Variants in PSMB5 observed in about 807,000 individuals in gnomAD.
PSMB5 encodes the protein proteasome subunit beta type-5.
Under a neutral mutation model 22.8 loss-of-function variants are expected in PSMB5, and 2 were observed. The ratio of observed to expected loss-of-function variants is 0.09; its 90% CI spans 0.04 to 0.28. The LOEUF (loss-of-function observed/expected upper bound fraction) is 0.28. Ranked by LOEUF, PSMB5 falls within the 10% of genes least tolerant of loss-of-function variation. The probability of loss-of-function intolerance (pLI) is 1.00; values close to 1 mark genes in which losing one functional copy is unlikely to be tolerated. For missense variants in PSMB5, 269 were observed against 343.8 expected (o/e 0.78, Z 1.72); for synonymous variants, 133 against 135.3 (o/e 0.98, Z 0.12).
At chr14:23,027,424 A>AT (rs1566714010) in intron 2 of PSMB5, among the ~76,000 whole-genome samples, 4 of 143,648 alleles carry the variant, frequency 2.8e-5, no homozygotes, top group Middle Eastern at 3.6e-3. Context: ...TAAATAAAAT[A>AT]ATATATATAT....
rs375675979 is a variant in PSMB5 at position 23,026,364 on chromosome 14, C to A, written c.517G>T (p.Val173Leu). 1 of 1,613,116 alleles carries A rather than the reference C, an allele frequency of 6.2e-7. No individual in the cohort carries two copies. Among genetic ancestry groups the A allele is most frequent in the Non-Finnish European group, 8.5e-7 (1 of 1,179,870 alleles). ...WDKRGPGLYY[V>L]DSEGNRISGA... Reference sequence around the variant, plus strand: ...GAAATCCGGTTCCCTTCACTGTCCACGTAGTAGAGGCCTGGAAAGGGAGAT... The same window carrying A: ...GAAATCCGGTTCCCTTCACTGTCCAAGTAGTAGAGGCCTGGAAAGGGAGAT... Residue 173 changes from valine (V) to leucine (L), a missense_variant, in exon 3 of 3, where the codon GTG (valine) becomes TTG (leucine). Physicochemically the swap from Val to Leu is conservative, Grantham distance 32. Coordinates refer to ENST00000361611, the MANE Select transcript of PSMB5 (RefSeq NM_002797.5).
chr14:23,032,231 G>T (rs2046958026), intron 2 of PSMB5, among the ~76,000 whole-genome samples: 1 of 152,016 alleles, frequency 6.6e-6, no homozygotes, highest in South Asian at 2.1e-4. Flanking sequence ...AATCACCTGA[G>T]GTCAGGATTT....
intron 2 of PSMB5, among the ~76,000 whole-genome samples, chr14:23,027,296 G>A (rs1241725345): frequency 6.8e-6 from 1 of 147,436 alleles, no homozygotes; most frequent in Admixed American, 6.8e-5. Flanking sequence ...CAGGAGAATG[G>A]CGTAAACCCG....
chr14:23,029,709 G>A (rs1594713015), intron 2 of PSMB5, among the ~76,000 whole-genome samples: 2 of 151,808 alleles, frequency 1.3e-5, no homozygotes, highest in African/African-American at 2.4e-5. Flanking sequence ...CACCTCCAGG[G>A]TTCAAGAGAT....
At chr14:23,028,792 G>C (rs1027586882) in intron 2 of PSMB5, among the ~76,000 whole-genome samples, 2 of 152,198 alleles carry the variant, frequency 1.3e-5, no homozygotes, top group Non-Finnish European at 2.9e-5. Flanking sequence ...TTTTGGTACA[G>C]ATGAAAATTT....
At position 23,034,835 on chromosome 14, in the gene PSMB5, C is replaced by A. The variant is rs776919403; in HGVS notation, c.47G>T (p.Arg16Leu). The A allele has an allele frequency of 2.5e-5, 40 of 1,614,234 alleles. No individual in the cohort carries two copies. The highest frequency in any genetic ancestry group is 3.2e-5 in the Non-Finnish European group (38 of 1,180,038). The change falls in exon 1 of 3, where the codon CGC (arginine) becomes CTC (leucine). Residue 16 changes from arginine to leucine, a missense_variant. Transcript: ENST00000361611. Reference protein sequence around the residue: ...VLERPLPVNQRGFFGLGGRAD... With the variant: ...VLERPLPVNQLGFFGLGGRAD... Reference sequence around the variant, plus strand: ...ACGACCCCCAAGTCCGAAAAACCCGCGCTGGTTCACCGGTAGCGGTCTCTC... The same window carrying A: ...ACGACCCCCAAGTCCGAAAAACCCGAGCTGGTTCACCGGTAGCGGTCTCTC...
At chr14:23,035,166 T>C, upstream of PSMB5, 1 of 411,384 alleles carries the variant, frequency 2.4e-6, no homozygotes, top group South Asian at 2.9e-5. Flanking sequence ...AACCTCAAAA[T>C]CACAGGAAGT....
chr14:23,034,659 C>A (rs1204180156), intron 1 of PSMB5, 25 bp downstream of exon 1: 1 of 1,612,098 alleles, frequency 6.2e-7, no homozygotes, highest in Admixed American at 1.7e-5. Flanking sequence ...CAGTACTCAG[C>A]CTGGCAAGGG....
chr14:23,029,967 G>A (rs2046941315), intron 2 of PSMB5, among the ~76,000 whole-genome samples: 2 of 152,036 alleles, frequency 1.3e-5, no homozygotes, highest in Non-Finnish European at 2.9e-5. Flanking sequence ...ATTTTTAGTA[G>A]AGATGGGGTT....
chr14:23,029,473 A>G (rs1169081579), intron 2 of PSMB5, among the ~76,000 whole-genome samples: 1 of 152,088 alleles, frequency 6.6e-6, no homozygotes, highest in Non-Finnish European at 1.5e-5. Flanking sequence ...GTCTTCCCCA[A>G]TTCCTCCCAT....
At chr14:23,026,516 C>T (rs1368222928) in intron 2 of PSMB5, 141 bp from the exon 3 acceptor site, 1 of 1,177,884 alleles carries the variant, frequency 8.5e-7, no homozygotes, top group East Asian at 2.6e-5. Context: ...ATGGCGCAAT[C>T]TCGGCTCACC....
chr14:23,034,463 TC>T (rs1203687208), intron 1 of PSMB5: 1 of 570,634 alleles, frequency 1.8e-6, no homozygotes, highest in South Asian at 2.2e-5. Context: ...CTCACCTTCC[TC>T]CCCCGACTTA....
chr14:23,034,640 G>A (rs2046978216), intron 1 of PSMB5, 44 bp downstream of exon 1: 4 of 1,597,692 alleles, frequency 2.5e-6, no homozygotes, highest in Non-Finnish European at 3.4e-6. Flanking sequence ...CAGGCAAGTC[G>A]CGGGCGTTCA....
intron 2 of PSMB5, among the ~76,000 whole-genome samples, chr14:23,032,876 A>C (rs2046963463): frequency 6.7e-6 from 1 of 148,822 alleles, no homozygotes; most frequent in African/African-American, 2.5e-5. Flanking sequence ...GGATTACAGG[A>C]GTGAGCCACC....
In PSMB5 at chr14:23,034,670, G is replaced by A. The variant is rs1472847060; in HGVS notation, c.198+14C>T. 1.2e-6 allele frequency: 2 copies of A among 1,613,544 alleles called. No individual in the cohort carries two copies. The highest frequency in any genetic ancestry group is 1.3e-5 in the African/African-American group (1 of 75,040). On this transcript the variant is annotated intron_variant, in intron 1 of 2. Transcript: ENST00000361611. Reference sequence around the variant, plus strand: ...CGTTCAGTACTCAGCCTGGCAAGGGGGCTGGCTCCACACCTTGAAGGCCAG... The same window carrying A: ...CGTTCAGTACTCAGCCTGGCAAGGGAGCTGGCTCCACACCTTGAAGGCCAG...
At chr14:23,030,944 A>G (rs1405970737) in intron 2 of PSMB5, among the ~76,000 whole-genome samples, 1 of 152,148 alleles carries the variant, frequency 6.6e-6, no homozygotes, top group Non-Finnish European at 1.5e-5. Flanking sequence ...ATAAATAAAT[A>G]AATAAATAAA....
At chr14:23,034,567 G>T in intron 1 of PSMB5, 117 bp downstream of exon 1, 1 of 1,196,780 alleles carries the variant, frequency 8.4e-7, no homozygotes, top group Non-Finnish European at 1.2e-6. Flanking sequence ...CCGAACGAGA[G>T]GACCCAGCCT....
upstream of PSMB5, chr14:23,035,020 A>G: frequency 2.1e-6 from 3 of 1,427,126 alleles, no homozygotes; most frequent in Non-Finnish European, 2.8e-6. Context: ...GCACGCCTCC[A>G]AAAAGAAGAG....
intron 2 of PSMB5, among the ~76,000 whole-genome samples, chr14:23,029,216 T>C (rs2046936291): frequency 6.6e-6 from 1 of 152,158 alleles, no homozygotes; most frequent in Non-Finnish European, 1.5e-5. Context: ...GATTCTGATG[T>C]CTACCTTACT....
Sources: gnomAD v4.1 joint callset for allele counts (sites outside exome capture counted in the v4.1 genomes callset) on GRCh38, gnomAD v4.1.1 for gene constraint, MANE v1.5 for transcripts, NCBI Gene and HGNC (gene_info 2026-07-23, HGNC 2026-07-21) for gene names.